PDE1A: variants seen among roughly 807,000 people sequenced by gnomAD.
PDE1A encodes the protein dual specificity calcium/calmodulin-dependent 3',5'-cyclic nucleotide phosphodiesterase 1A.
A neutral mutation model predicts 61.7 loss-of-function variants in PDE1A; 35 were observed. That is an observed-to-expected ratio of 0.57 (90% confidence interval 0.43 to 0.75). The LOEUF (loss-of-function observed/expected upper bound fraction) is 0.75, where lower values mean the gene tolerates loss of function less well. PDE1A is among the 30% of genes least tolerant of loss of function. The pLI, the probability that PDE1A is intolerant of heterozygous loss-of-function variation, is 0.00. For synonymous variants in PDE1A, 232 were observed against 213.2 expected (o/e 1.09, Z -0.77); for missense variants, 597 against 630.6 (o/e 0.95, Z 0.57).
chr2:182,207,744 C>T (rs1000591719), intron 7 of PDE1A, among the ~76,000 whole-genome samples: 9 of 152,208 alleles, frequency 5.9e-5, no homozygotes, highest in Non-Finnish European at 1.5e-5. Context: ...GCAGCCCCTC[C>T]TATCACAAGC....
intron 13 of PDE1A, among the ~76,000 whole-genome samples, chr2:182,184,007 G>GAAGAAAGA (rs36010429): frequency 0.05 from 6,661 of 134,504 alleles, 168 homozygotes; most frequent in Middle Eastern, 0.072. Context: ...GAAAGGAAGA[G>GAAGAAAGA]AAGAAAGAAA....
the PDE1A span, among the ~76,000 whole-genome samples, chr2:182,627,593 A>G: frequency 6.6e-6 from 1 of 151,176 alleles, no homozygotes; most frequent in African/African-American, 2.4e-5. Context: ...AATTATGTCT[A>G]TTTGCTGTGC....
At chr2:182,691,727 A>G in the PDE1A span, among the ~76,000 whole-genome samples, 1 of 152,184 alleles carries the variant, frequency 6.6e-6, no homozygotes, top group African/African-American at 2.4e-5. Context: ...AGAAACTACC[A>G]TCAGAGTAGA....
At chr2:182,494,238 C>T (rs1167691285) in intron 2 of PDE1A, among the ~76,000 whole-genome samples, 1 of 151,822 alleles carries the variant, frequency 6.6e-6, no homozygotes, top group Non-Finnish European at 1.5e-5. Context: ...AGCCTTAGAA[C>T]TGTCAATTTT....
intron 1 of PDE1A, among the ~76,000 whole-genome samples, chr2:182,402,900 A>C (rs533687404): frequency 6.6e-6 from 1 of 152,248 alleles, no homozygotes; most frequent in Admixed American, 6.5e-5. Context: ...GAAGACATTT[A>C]TGTTGCCAAC....
chr2:182,493,968 A>G (rs1330830212), intron 2 of PDE1A, among the ~76,000 whole-genome samples: 1 of 152,218 alleles, frequency 6.6e-6, no homozygotes, highest in Non-Finnish European at 1.5e-5. Flanking sequence ...TGCATGCTTT[A>G]CCACTGTTTG....
the PDE1A span, among the ~76,000 whole-genome samples, chr2:182,624,152 A>AGGTTTT: frequency 1.3e-5 from 2 of 151,340 alleles, no homozygotes; most frequent in Non-Finnish European, 2.9e-5. Flanking sequence ...AGAAGAAGAC[A>AGGTTTT]GGTTTTGGTT....
chr2:182,495,611 T>A (rs1325904548), intron 2 of PDE1A, among the ~76,000 whole-genome samples: 1 of 152,230 alleles, frequency 6.6e-6, no homozygotes, highest in African/African-American at 2.4e-5. Flanking sequence ...GACCTTTAAC[T>A]TTCCTCTAAA....
At chr2:182,144,512 T>G (rs1333762818), downstream of PDE1A, among the ~76,000 whole-genome samples, 1 of 152,180 alleles carries the variant, frequency 6.6e-6, no homozygotes. Flanking sequence ...TTGTCCTAAG[T>G]GTAGTGTTGC....
At chr2:182,487,595 T>C (rs1688097801) in intron 2 of PDE1A, among the ~76,000 whole-genome samples, 1 of 152,192 alleles carries the variant, frequency 6.6e-6, no homozygotes. Context: ...GAAGTTCTGA[T>C]ATCCACTACA....
At chr2:182,455,414 T>G (rs1372429415) in intron 2 of PDE1A, among the ~76,000 whole-genome samples, 1 of 151,580 alleles carries the variant, frequency 6.6e-6, no homozygotes, top group Non-Finnish European at 1.5e-5. Context: ...TGGGTATATA[T>G]CCAAAGGATT....
chr2:182,515,681 T>G (rs1343169855), intron 2 of PDE1A, among the ~76,000 whole-genome samples: 9 of 152,232 alleles, frequency 5.9e-5, no homozygotes, highest in Admixed American at 4.6e-4. Flanking sequence ...CTGATTTGCC[T>G]GATTAATCCA....
At chr2:182,630,438 T>C in the PDE1A span, among the ~76,000 whole-genome samples, 5 of 152,190 alleles carry the variant, frequency 3.3e-5, no homozygotes, top group East Asian at 9.6e-4. Flanking sequence ...TATTTTCAGA[T>C]TCTGGATTCT....
chr2:182,256,110 G>A (rs1361325898), intron 2 of PDE1A, among the ~76,000 whole-genome samples: 1 of 99,406 alleles, frequency 1.0e-5, no homozygotes, highest in African/African-American at 3.8e-5. Flanking sequence ...TATACTTTAA[G>A]TTTTAGGGTA....
At chr2:182,194,612 T>C (rs912780876) in intron 10 of PDE1A, among the ~76,000 whole-genome samples, 3 of 152,134 alleles carry the variant, frequency 2.0e-5, no homozygotes, top group African/African-American at 7.2e-5. Flanking sequence ...TTCTCAAGAC[T>C]GCAAATTCTG....
At chr2:182,221,319 T>C (rs1688708570) in intron 7 of PDE1A, among the ~76,000 whole-genome samples, 1 of 152,084 alleles carries the variant, frequency 6.6e-6, no homozygotes, top group South Asian at 2.1e-4. Flanking sequence ...TGCTTTCTTC[T>C]CAAACCCCTA....
the PDE1A span, among the ~76,000 whole-genome samples, chr2:182,588,597 A>G: frequency 2.0e-5 from 3 of 152,208 alleles, no homozygotes; most frequent in Non-Finnish European, 4.4e-5. Flanking sequence ...CATATTTAAA[A>G]AGTATCTCAT....
At chr2:182,404,354 T>A (rs1317616785) in intron 1 of PDE1A, among the ~76,000 whole-genome samples, 2 of 152,150 alleles carry the variant, frequency 1.3e-5, no homozygotes, top group Non-Finnish European at 2.9e-5. Context: ...GGACGACCCT[T>A]CTACATCAAA....
At chr2:182,465,504 A>T (rs1574725459) in intron 2 of PDE1A, among the ~76,000 whole-genome samples, 2 of 152,176 alleles carry the variant, frequency 1.3e-5, no homozygotes, top group Non-Finnish European at 2.9e-5. Flanking sequence ...GGAATTAAAA[A>T]TTTTTTTAAG....
Sources: gnomAD v4.1 joint callset for allele counts (sites outside exome capture counted in the v4.1 genomes callset) on GRCh38, gnomAD v4.1.1 for gene constraint, MANE v1.5 for transcripts, NCBI Gene and HGNC (gene_info 2026-07-23, HGNC 2026-07-21) for gene names.